GRIN2B: variants seen among roughly 807,000 people sequenced by gnomAD.
GRIN2B encodes the protein glutamate ionotropic receptor NMDA type subunit 2B.
A neutral mutation model predicts 114.5 loss-of-function variants in GRIN2B; 5 were observed. The observed-to-expected ratio is 0.04, with a 90% confidence interval of 0.02 to 0.09. The LOEUF (loss-of-function observed/expected upper bound fraction) is 0.09. GRIN2B is among the 10% of genes least tolerant of loss of function. GRIN2B has a pLI of 1.00. For synonymous variants in GRIN2B, 787 were observed against 745.1 expected (o/e 1.06, Z -0.92); for missense variants, 1,108 against 1,943.5 (o/e 0.57, Z 8.08).
chr12:13,980,826 G>A (rs1460474719), intron 1 of GRIN2B, among the ~76,000 whole-genome samples: 1 of 152,196 alleles, frequency 6.6e-6, no homozygotes, highest in Non-Finnish European at 1.5e-5. Context: ...CCCACCCCGG[G>A]CTTGTGCTGA....
intron 2 of GRIN2B, among the ~76,000 whole-genome samples, chr12:13,961,879 G>A (rs886705860): frequency 1.3e-5 from 2 of 152,098 alleles, no homozygotes; most frequent in African/African-American, 4.8e-5. Flanking sequence ...ATGAGACAAA[G>A]GAACGGGTGT....
At chr12:13,612,070 G>A (rs987251325) in intron 8 of GRIN2B, among the ~76,000 whole-genome samples, 6 of 152,162 alleles carry the variant, frequency 3.9e-5, no homozygotes, top group South Asian at 4.1e-4. Flanking sequence ...CTTCATGCCC[G>A]TGAGCCTCTT....
At chr12:13,594,038 G>T (rs1288361195) in intron 10 of GRIN2B, among the ~76,000 whole-genome samples, 2 of 152,232 alleles carry the variant, frequency 1.3e-5, no homozygotes, top group African/African-American at 2.4e-5. Context: ...ATGCTGGAGA[G>T]GATGTGGAGA....
chr12:13,722,469 C>T (rs956034910), intron 4 of GRIN2B, among the ~76,000 whole-genome samples: 4 of 152,086 alleles, frequency 2.6e-5, no homozygotes, highest in Non-Finnish European at 4.4e-5. Context: ...AGGGATTCTT[C>T]ATCCACAGTA....
intron 10 of GRIN2B, among the ~76,000 whole-genome samples, chr12:13,584,920 T>A (rs141870954): frequency 1.4e-3 from 206 of 152,352 alleles, no homozygotes; most frequent in African/African-American, 4.8e-3. Flanking sequence ...TACTGTCCAC[T>A]GCACTCTACC....
chr12:13,755,753 T>C (rs1863565185), intron 3 of GRIN2B, among the ~76,000 whole-genome samples: 1 of 152,224 alleles, frequency 6.6e-6, no homozygotes, highest in Non-Finnish European at 1.5e-5. Context: ...GGTCGGAATG[T>C]TTGCATCCTC....
intron 4 of GRIN2B, among the ~76,000 whole-genome samples, chr12:13,689,501 C>G (rs1950197737): frequency 1.3e-5 from 2 of 152,092 alleles, no homozygotes; most frequent in Admixed American, 1.3e-4. Flanking sequence ...TACATTTGTC[C>G]CTTCTTTTCT....
intron 5 of GRIN2B, among the ~76,000 whole-genome samples, chr12:13,666,482 T>C (rs1355066904): frequency 6.6e-6 from 1 of 152,152 alleles, no homozygotes; most frequent in Non-Finnish European, 1.5e-5. Context: ...ACAGAGAAAA[T>C]TATAAAATCA....
intron 2 of GRIN2B, among the ~76,000 whole-genome samples, chr12:13,974,761 A>C: frequency 6.6e-6 from 1 of 152,162 alleles, no homozygotes; most frequent in East Asian, 1.9e-4. Flanking sequence ...GCTCCACACC[A>C]CTAGATCCTG....
intron 2 of GRIN2B, among the ~76,000 whole-genome samples, chr12:13,878,316 C>T (rs761381265): frequency 2.6e-5 from 4 of 152,174 alleles, no homozygotes; most frequent in Admixed American, 6.5e-5. Flanking sequence ...TCACAGCTTC[C>T]GCTAAGCAAT....
At chr12:13,718,809 T>C (rs1401097970) in intron 4 of GRIN2B, among the ~76,000 whole-genome samples, 1 of 151,984 alleles carries the variant, frequency 6.6e-6, no homozygotes, top group Non-Finnish European at 1.5e-5. Context: ...AAAGGGGATA[T>C]AATGACTGGC....
At chr12:13,903,006 A>G (rs1283604828) in intron 2 of GRIN2B, among the ~76,000 whole-genome samples, 1 of 151,958 alleles carries the variant, frequency 6.6e-6, no homozygotes, top group South Asian at 2.1e-4. Context: ...TAATTTTTCT[A>G]TTTCAACTAA....
At chr12:13,967,457 G>A (rs921311791) in intron 2 of GRIN2B, among the ~76,000 whole-genome samples, 3 of 152,250 alleles carry the variant, frequency 2.0e-5, no homozygotes, top group Non-Finnish European at 2.9e-5. Context: ...ATGTCTTCAT[G>A]TCTTAGTATC....
At chr12:13,682,102 A>G (rs1005714388) in intron 4 of GRIN2B, among the ~76,000 whole-genome samples, 1 of 152,196 alleles carries the variant, frequency 6.6e-6, no homozygotes, top group South Asian at 2.1e-4. Flanking sequence ...TAGATAGACT[A>G]AACAGAAATT....
At chr12:13,813,030 C>G (rs1436420997) in intron 3 of GRIN2B, among the ~76,000 whole-genome samples, 1 of 150,704 alleles carries the variant, frequency 6.6e-6, no homozygotes, top group African/African-American at 2.4e-5. Flanking sequence ...ACCTCCGCCT[C>G]CCGGGTTCAA....
At chr12:13,857,957 G>A (rs1460780999) in intron 3 of GRIN2B, among the ~76,000 whole-genome samples, 1 of 152,106 alleles carries the variant, frequency 6.6e-6, no homozygotes, top group Non-Finnish European at 1.5e-5. Flanking sequence ...GCGAACCCCA[G>A]ATGTCAGTAC....
At chr12:13,603,536 T>C (rs1213213611) in intron 10 of GRIN2B, among the ~76,000 whole-genome samples, 1 of 152,056 alleles carries the variant, frequency 6.6e-6, no homozygotes, top group Non-Finnish European at 1.5e-5. Flanking sequence ...ATCTATGAAA[T>C]ATATTTGGCA....
intron 3 of GRIN2B, among the ~76,000 whole-genome samples, chr12:13,832,205 T>C (rs1015526168): frequency 6.6e-6 from 1 of 152,228 alleles, no homozygotes; most frequent in Non-Finnish European, 1.5e-5. Flanking sequence ...TTATAAAGCA[T>C]GCTCATAAAT....
intron 10 of GRIN2B, among the ~76,000 whole-genome samples, chr12:13,586,123 C>A (rs1372379068): frequency 1.3e-5 from 2 of 152,134 alleles, no homozygotes; most frequent in Non-Finnish European, 2.9e-5. Flanking sequence ...TACTTTCAAC[C>A]CTTTTGATGA....
Sources: allele counts gnomAD v4.1 joint callset (sites outside exome capture counted in the v4.1 genomes callset), GRCh38; gene constraint gnomAD v4.1.1; transcripts MANE v1.5; gene names NCBI Gene and HGNC (gene_info 2026-07-23, HGNC 2026-07-21).